The following GHR variants were observed in gnomAD, a reference collection of about 807,000 sequenced individuals.
GHR encodes the protein growth hormone receptor.
GHR carries 35 observed loss-of-function variants against 67.1 expected under a neutral mutation model. That is an observed-to-expected ratio of 0.52 (90% confidence interval 0.40 to 0.69). The LOEUF is 0.69. Ranked by LOEUF, GHR falls within the 30% of genes least tolerant of loss-of-function variation. GHR has a pLI of 0.00. For missense variants in GHR, 792 were observed against 764.6 expected (o/e 1.04, Z -0.42); for synonymous variants, 272 against 269.1 (o/e 1.01, Z -0.10).
intron 3 of GHR, among the ~76,000 whole-genome samples, chr5:42,650,619 T>C (rs1704436082): frequency 7.5e-6 from 1 of 132,562 alleles, no homozygotes; most frequent in African/African-American, 2.9e-5. Context: ...CTATGACTGC[T>C]GGCATAATGA....
chr5:42,620,781 C>G (rs1302145623), intron 2 of GHR, among the ~76,000 whole-genome samples: 1 of 152,146 alleles, frequency 6.6e-6, no homozygotes, highest in Non-Finnish European at 1.5e-5. Flanking sequence ...GAGTCACCAG[C>G]TGAGCTCCAG....
At chr5:42,679,218 T>A (rs1298583640) in intron 3 of GHR, among the ~76,000 whole-genome samples, 1 of 146,568 alleles carries the variant, frequency 6.8e-6, no homozygotes. Flanking sequence ...TTATTAATAT[T>A]TTAAATATAT....
intron 3 of GHR, among the ~76,000 whole-genome samples, chr5:42,680,131 T>C (rs7447731): frequency 0.84 from 127,260 of 152,264 alleles, 53,398 homozygotes; most frequent in East Asian, 1. Context: ...AGTAGACTTG[T>C]TCTACTGCAA....
chr5:42,691,449 T>TGA (rs1392549604), intron 4 of GHR, among the ~76,000 whole-genome samples: 1 of 152,238 alleles, frequency 6.6e-6, no homozygotes, highest in Non-Finnish European at 1.5e-5. Context: ...CAGTTATATT[T>TGA]GATTTCTCAT....
intron 1 of GHR, among the ~76,000 whole-genome samples, chr5:42,486,729 C>T (rs1002556114): frequency 3.9e-4 from 59 of 152,076 alleles, no homozygotes; most frequent in African/African-American, 1.4e-3. Context: ...CACCTGTAGT[C>T]CCAGCTACTC....
chr5:42,644,702 G>C (rs1242887565), intron 3 of GHR, among the ~76,000 whole-genome samples: 1 of 151,044 alleles, frequency 6.6e-6, no homozygotes, highest in Non-Finnish European at 1.5e-5. Context: ...GATAGTTATG[G>C]GTGAAAGCAT....
intron 2 of GHR, among the ~76,000 whole-genome samples, chr5:42,589,968 G>A (rs978254573): frequency 3.3e-5 from 5 of 152,146 alleles, no homozygotes; most frequent in African/African-American, 1.2e-4. Context: ...GGGACCCTAG[G>A]AGTCTACAGT....
At chr5:42,453,241 C>CT in intron 1 of GHR, among the ~76,000 whole-genome samples, 1 of 152,098 alleles carries the variant, frequency 6.6e-6, no homozygotes, top group Non-Finnish European at 1.5e-5. Flanking sequence ...GGTGAATTCT[C>CT]TGTCTCCTGT....
At chr5:42,465,662 C>T (rs1045781527) in intron 1 of GHR, 36 of 871,776 alleles carry the variant, frequency 4.1e-5, no homozygotes, top group Non-Finnish European at 7.0e-5. Flanking sequence ...TCTGCTACCT[C>T]CACGTTACAG....
chr5:42,473,841 C>A (rs1342110927), intron 1 of GHR, among the ~76,000 whole-genome samples: 6 of 148,628 alleles, frequency 4.0e-5, no homozygotes. Context: ...TGTGCCACTG[C>A]ACTCCAGCCT....
intron 3 of GHR, among the ~76,000 whole-genome samples, chr5:42,660,949 T>G (rs1487975051): frequency 9.2e-5 from 14 of 152,048 alleles, no homozygotes; most frequent in South Asian, 2.1e-4. Flanking sequence ...GCTCAAGAAC[T>G]ACATGAAGAA....
At chr5:42,654,918 C>T (rs918045630) in intron 3 of GHR, among the ~76,000 whole-genome samples, 3 of 152,060 alleles carry the variant, frequency 2.0e-5, no homozygotes, top group South Asian at 2.1e-4. Context: ...TAAGAAAAAG[C>T]GAGCCAACAT....
chr5:42,664,032 A>G (rs960557501), intron 3 of GHR, among the ~76,000 whole-genome samples: 1 of 152,244 alleles, frequency 6.6e-6, no homozygotes, highest in Non-Finnish European at 1.5e-5. Context: ...AATCCAACTT[A>G]CAAGGGACAT....
intron 1 of GHR, chr5:42,467,963 C>G (rs1561320749): frequency 1.4e-6 from 1 of 708,746 alleles, no homozygotes; most frequent in Non-Finnish European, 2.5e-6. Flanking sequence ...TTTCCTTTCC[C>G]TCCTTATTCT....
chr5:42,700,135 A>G lies in GHR; in HGVS notation c.618+133A>G, dbSNP rs558676099. On this transcript the variant is annotated intron_variant, in intron 6 of 9. Coordinates refer to ENST00000230882, the MANE Select transcript of GHR (RefSeq NM_000163.5). ...TATGCTCCATAATTTCTTAATTGAG[A>G]AAACATTATTTAACCGGTAAAATAT... 7.7e-4 allele frequency: 521 copies of G among 678,848 alleles called. 4 individuals carry two copies. Among genetic ancestry groups the G allele is most frequent in the Middle Eastern group, 5.7e-3 (15 of 2,632 alleles). The allele number at this position is 678,848 out of a possible 1,614,324, so 42.1% of individuals were successfully genotyped here.
In GHR at chr5:42,549,743, C is replaced by T. The variant is rs532857422; in HGVS notation, c.-11-16121C>T. On this transcript the variant is annotated intron_variant, in intron 1 of 9. Coordinates refer to ENST00000230882, the MANE Select transcript of GHR (RefSeq NM_000163.5). The stretch of plus-strand genomic sequence containing the variant: ...ATCACACATGGCTGGATGTACCTCT[C>T]TAAAAGTACTGGGGGGTTTGAAACA... 1.4e-5 allele frequency: 11 copies of T among 758,640 alleles called. No homozygotes were observed. In the East Asian group the frequency reaches 1.4e-3, roughly 97 times the overall value. The allele number at this position is 758,640 out of a possible 1,614,324, so 47.0% of individuals were successfully genotyped here.
intron 1 of GHR, among the ~76,000 whole-genome samples, chr5:42,475,912 T>A (rs1745286279): frequency 6.9e-6 from 1 of 144,312 alleles, no homozygotes; most frequent in African/African-American, 2.6e-5. Flanking sequence ...TAAAAATTTT[T>A]TTTTTTTTTT....
At chr5:42,498,472 T>C (rs1746409231) in intron 1 of GHR, among the ~76,000 whole-genome samples, 1 of 152,238 alleles carries the variant, frequency 6.6e-6, no homozygotes, top group African/African-American at 2.4e-5. Context: ...GGAGGTAATA[T>C]ACTTTGGAAA....
At chr5:42,595,598 G>A (rs994238432) in intron 2 of GHR, among the ~76,000 whole-genome samples, 3 of 152,192 alleles carry the variant, frequency 2.0e-5, no homozygotes, top group Non-Finnish European at 4.4e-5. Context: ...GTTTTGTTGT[G>A]TATTTAATTG....
Sources: allele counts gnomAD v4.1 joint callset (sites outside exome capture counted in the v4.1 genomes callset), GRCh38; gene constraint gnomAD v4.1.1; transcripts MANE v1.5; gene names NCBI Gene and HGNC (gene_info 2026-07-23, HGNC 2026-07-21).